PDE4D: variants seen among roughly 807,000 people sequenced by gnomAD.
PDE4D encodes 3',5'-cyclic-AMP phosphodiesterase 4D.
Under a neutral mutation model 87.4 loss-of-function variants are expected in PDE4D, and 24 were observed. The ratio of observed to expected loss-of-function variants is 0.27; its 90% CI spans 0.20 to 0.39. The LOEUF (loss-of-function observed/expected upper bound fraction) is 0.39, where lower values mean the gene tolerates loss of function less well. Among genes scored for constraint, PDE4D ranks in the 10% least tolerant of loss-of-function variants. The pLI is 1.00. For missense variants in PDE4D, 714 were observed against 1,041.0 expected, an observed-to-expected ratio of 0.69 and a Z score of 4.32; for synonymous variants, 384 against 383.2, an observed-to-expected ratio of 1.00 and a Z score of -0.02.
At chr5:59,879,763 G>A (rs755766471) in intron 1 of PDE4D, among the ~76,000 whole-genome samples, 14 of 152,190 alleles carry the variant, frequency 9.2e-5, no homozygotes, top group Non-Finnish European at 1.8e-4. Context: ...TTTTTGAGAC[G>A]AAAGTCTCGC....
intron 1 of PDE4D, among the ~76,000 whole-genome samples, chr5:59,830,515 A>G (rs1236292847): frequency 1.3e-5 from 2 of 152,108 alleles, no homozygotes; most frequent in Non-Finnish European, 2.9e-5. Context: ...AGTCGGAGAC[A>G]TTAAGGGAAG....
At chr5:59,210,795 T>G (rs1160347137) in intron 2 of PDE4D, among the ~76,000 whole-genome samples, 2 of 152,210 alleles carry the variant, frequency 1.3e-5, no homozygotes, top group Non-Finnish European at 2.9e-5. Flanking sequence ...GGATGGGGAA[T>G]AGAGGATTAG....
chr5:59,817,911 C>A (rs1769182242), intron 1 of PDE4D, among the ~76,000 whole-genome samples: 1 of 152,182 alleles, frequency 6.6e-6, no homozygotes, highest in African/African-American at 2.4e-5. Flanking sequence ...ATTTAAGCCA[C>A]CCCATCTGGT....
At chr5:59,115,119 TG>T (rs1334995116) in intron 5 of PDE4D, among the ~76,000 whole-genome samples, 4 of 151,840 alleles carry the variant, frequency 2.6e-5, no homozygotes, top group Admixed American at 2.6e-4. Context: ...TTGAAGGGGA[TG>T]GGGATTAAAT....
chr5:59,317,994 T>C (rs556521565), intron 1 of PDE4D, among the ~76,000 whole-genome samples: 2 of 152,286 alleles, frequency 1.3e-5, no homozygotes, highest in South Asian at 4.1e-4. Context: ...TTATGAACTT[T>C]TGTTTGTCCG....
intron 1 of PDE4D, among the ~76,000 whole-genome samples, chr5:59,473,456 A>G (rs554302977): frequency 6.6e-6 from 1 of 152,216 alleles, no homozygotes; most frequent in South Asian, 2.1e-4. Context: ...AGACAACACC[A>G]AGCCACTCCA....
At chr5:59,968,520 T>C (rs533180022) in intron 3 of PDE4D, among the ~76,000 whole-genome samples, 1 of 152,112 alleles carries the variant, frequency 6.6e-6, no homozygotes, top group South Asian at 2.1e-4. Context: ...CTAAGCATCA[T>C]GCAATAATCC....
chr5:59,493,331 A>AG (rs1288351742), intron 1 of PDE4D, among the ~76,000 whole-genome samples: 2 of 152,220 alleles, frequency 1.3e-5, no homozygotes, highest in Admixed American at 6.5e-5. Context: ...GATCAGATAC[A>AG]GCTTCTCAAT....
At chr5:59,266,220 A>C (rs1015273878) in intron 1 of PDE4D, among the ~76,000 whole-genome samples, 1 of 151,932 alleles carries the variant, frequency 6.6e-6, no homozygotes, top group African/African-American at 2.4e-5. Context: ...TCACACCTGT[A>C]AATAGCCACT....
chr5:58,998,004 A>AT (rs1316150372), intron 6 of PDE4D, among the ~76,000 whole-genome samples: 5 of 151,980 alleles, frequency 3.3e-5, no homozygotes, highest in Non-Finnish European at 7.4e-5. Flanking sequence ...AAATTTTCTT[A>AT]TTTTTTCCTG....
At chr5:60,354,080 G>A (rs577292256) in intron 1 of PDE4D, among the ~76,000 whole-genome samples, 2 of 152,098 alleles carry the variant, frequency 1.3e-5, no homozygotes, top group Non-Finnish European at 2.9e-5. Context: ...GAACATCTAT[G>A]AACTAAGTGA....
At chr5:59,739,821 T>C (rs1456771006) in intron 1 of PDE4D, among the ~76,000 whole-genome samples, 4 of 152,092 alleles carry the variant, frequency 2.6e-5, no homozygotes, top group African/African-American at 9.7e-5. Context: ...AAACAGCCAA[T>C]GTCCAATATG....
intron 1 of PDE4D, among the ~76,000 whole-genome samples, chr5:60,412,767 T>A (rs1414174383): frequency 6.6e-6 from 1 of 152,246 alleles, no homozygotes; most frequent in African/African-American, 2.4e-5. Context: ...TTTTGGTTAT[T>A]TAAAAATATG....
At chr5:59,584,791 C>T (rs1422804098) in intron 1 of PDE4D, among the ~76,000 whole-genome samples, 1 of 152,100 alleles carries the variant, frequency 6.6e-6, no homozygotes, top group Non-Finnish European at 1.5e-5. Context: ...AGAAAGGAGA[C>T]TGGTAATTTC....
chr5:59,023,320 G>C (rs1077183), intron 6 of PDE4D, among the ~76,000 whole-genome samples: 9,766 of 152,128 alleles, frequency 0.064, 428 homozygotes, highest in Admixed American at 0.13. Context: ...TCTTATAAAA[G>C]TTTAACTGAG....
chr5:59,411,809 A>G (rs962675521), intron 1 of PDE4D, among the ~76,000 whole-genome samples: 16 of 152,252 alleles, frequency 1.1e-4, no homozygotes, highest in Non-Finnish European at 2.1e-4. Flanking sequence ...AAAAGATCAC[A>G]TTTAAAACAT....
rs1582876075 is a variant in PDE4D at position 60,150,212 on chromosome 5, T to C, written c.42+35345A>G. ...TGGAAGGAAATACAACCATGAATCT[T>C]ACAGGGCTGAAGTAAAATAGTAAGA... On this transcript the variant is annotated intron_variant, in intron 2 of 16. Coordinates refer to the PDE4D transcript ENST00000502484. Among the ~76,000 whole-genome samples the C allele has an allele frequency of 2.0e-5, 3 of 151,866 alleles. No individual in the cohort carries two copies. In the South Asian group the frequency reaches 6.2e-4, roughly 31 times the overall value.
intron 1 of PDE4D, among the ~76,000 whole-genome samples, chr5:59,731,598 T>C (rs1757369330): frequency 6.6e-6 from 1 of 152,064 alleles, no homozygotes; most frequent in African/African-American, 2.4e-5. Context: ...GATTTTGCAA[T>C]AAAGACTTTT....
intron 1 of PDE4D, among the ~76,000 whole-genome samples, chr5:59,755,283 TG>T (rs1561600481): frequency 1.3e-5 from 2 of 152,160 alleles, no homozygotes; most frequent in East Asian, 3.8e-4. Flanking sequence ...TAGCTAAACT[TG>T]AATCTATTTT....
Sources: gnomAD v4.1 joint callset for allele counts (sites outside exome capture counted in the v4.1 genomes callset) on GRCh38, gnomAD v4.1.1 for gene constraint, MANE v1.5 for transcripts, NCBI Gene and HGNC (gene_info 2026-07-23, HGNC 2026-07-21) for gene names.